TENM3: variants seen among roughly 807,000 people sequenced by gnomAD.
TENM3 encodes teneurin-3.
In TENM3, 63 loss-of-function variants were observed where a neutral mutation model predicts 255.1. That is an observed-to-expected ratio of 0.25 (90% CI 0.20 to 0.30). TENM3 has a LOEUF of 0.30. Among genes scored for constraint, TENM3 ranks in the 10% least tolerant of loss-of-function variants. The probability of loss-of-function intolerance (pLI) is 1.00; values close to 1 mark genes in which losing one functional copy is unlikely to be tolerated. For missense variants in TENM3, 2,929 were observed against 3,461.1 expected (o/e 0.85, Z 3.86); for synonymous variants, 1,306 against 1,322.3 (o/e 0.99, Z 0.27).
chr4:182,780,158 A>G (rs1391561186), intron 24 of TENM3, among the ~76,000 whole-genome samples: 8 of 152,140 alleles, frequency 5.3e-5, no homozygotes, highest in Non-Finnish European at 1.2e-4. Context: ...GGTGATGCCT[A>G]GGTTTTCTTC....
At chr4:182,020,819 C>A in the TENM3 span, among the ~76,000 whole-genome samples, 16 of 152,338 alleles carry the variant, frequency 1.1e-4, no homozygotes, top group Non-Finnish European at 2.2e-4. Flanking sequence ...CACTCACTCT[C>A]AAGGCTTAGC....
chr4:182,112,941 G>T, the TENM3 span, among the ~76,000 whole-genome samples: 1 of 152,174 alleles, frequency 6.6e-6, no homozygotes, highest in African/African-American at 2.4e-5. Flanking sequence ...TGGATGACAT[G>T]CTTGTAAGAC....
chr4:182,580,772 A>G (rs1274510779), intron 3 of TENM3, among the ~76,000 whole-genome samples: 1 of 152,206 alleles, frequency 6.6e-6, no homozygotes, highest in Non-Finnish European at 1.5e-5. Flanking sequence ...CTTTGATTGC[A>G]AATTATGTGT....
In TENM3 at chr4:182,663,588, C is replaced by G. The variant is rs1025549737; in HGVS notation, c.1112-9417C>G. Among the ~76,000 whole-genome samples, 15 of 152,124 alleles carry G rather than the reference C, an allele frequency of 9.9e-5. No individual in the cohort carries two copies. The East Asian group carries it at 2.9e-3, about 29-fold the overall frequency. The stretch of plus-strand genomic sequence containing the variant: ...TTTGTATATTCATAGATGAATATAC[C>G]TTATAAGAATAAAACAAAATTCAGT... On this transcript the variant is annotated intron_variant, in intron 6 of 27. Transcript: ENST00000511685.
At chr4:181,591,946 T>G in the TENM3 span, among the ~76,000 whole-genome samples, 3 of 125,438 alleles carry the variant, frequency 2.4e-5, no homozygotes, top group Non-Finnish European at 3.6e-5. Context: ...CTATGCTGAG[T>G]GAAAAAAGCC....
At position 182,503,324 on chromosome 4, in the gene TENM3, G is replaced by A. The variant is rs191636416; in HGVS notation, c.512-97600G>A. Reference sequence around the variant, plus strand: ...CTTACAGGGACATTCAGTCTTTAGCGTCTCCAGGGACTCAGGTTTCTTCTC... The same window carrying A: ...CTTACAGGGACATTCAGTCTTTAGCATCTCCAGGGACTCAGGTTTCTTCTC... On this transcript the variant is annotated intron_variant, in intron 3 of 27. Coordinates refer to ENST00000511685, the MANE Select transcript of TENM3 (RefSeq NM_001080477.4). Among the ~76,000 whole-genome samples the A allele has an allele frequency of 3.9e-5, 6 of 152,204 alleles. 1 individual carries two copies. The South Asian group carries it at 6.2e-4, about 16-fold the overall frequency.
the TENM3 span, among the ~76,000 whole-genome samples, chr4:181,504,304 C>T: frequency 2.6e-5 from 4 of 152,214 alleles, no homozygotes; most frequent in Non-Finnish European, 2.9e-5. Flanking sequence ...GCTTGTCTCT[C>T]TTCTTACTCT....
chr4:181,565,366 T>C, the TENM3 span, among the ~76,000 whole-genome samples: 3 of 152,206 alleles, frequency 2.0e-5, no homozygotes, highest in African/African-American at 7.2e-5. Flanking sequence ...TGAAGAAACA[T>C]ACTTAGAGAA....
chr4:181,945,660 G>A, the TENM3 span, among the ~76,000 whole-genome samples: 1 of 152,010 alleles, frequency 6.6e-6, no homozygotes, highest in African/African-American at 2.4e-5. Context: ...TCAATGAAAC[G>A]AAGCAGTTAA....
chr4:182,511,141 G>T (rs1378879159), intron 3 of TENM3, among the ~76,000 whole-genome samples: 2 of 152,190 alleles, frequency 1.3e-5, no homozygotes, highest in Admixed American at 1.3e-4. Context: ...GCTATGCCAT[G>T]AGTTTTTGCC....
At chr4:182,649,892 A>G (rs1041704837) in intron 5 of TENM3, among the ~76,000 whole-genome samples, 1 of 150,318 alleles carries the variant, frequency 6.7e-6, no homozygotes, top group Non-Finnish European at 1.5e-5. Flanking sequence ...ATGGATTTTC[A>G]CATCCCACTA....
chr4:182,619,914 G>A (rs988913111), intron 4 of TENM3, among the ~76,000 whole-genome samples: 1 of 152,182 alleles, frequency 6.6e-6, no homozygotes. Context: ...AAAAGAAGCC[G>A]CCGCGGCTGC....
At chr4:181,566,628 C>T in the TENM3 span, among the ~76,000 whole-genome samples, 1 of 152,144 alleles carries the variant, frequency 6.6e-6, no homozygotes, top group East Asian at 1.9e-4. Context: ...TGGTAACTGT[C>T]CATGCAGCGA....
At chr4:181,627,134 T>C in the TENM3 span, among the ~76,000 whole-genome samples, 1 of 152,132 alleles carries the variant, frequency 6.6e-6, no homozygotes, top group African/African-American at 2.4e-5. Context: ...TTCCTAATCT[T>C]CTAAGGCAGT....
chr4:182,511,947 A>G (rs1737440679), intron 3 of TENM3, among the ~76,000 whole-genome samples: 1 of 152,240 alleles, frequency 6.6e-6, no homozygotes, highest in Non-Finnish European at 1.5e-5. Context: ...CTAGACTATT[A>G]GAAAATGACA....
chr4:181,883,391 C>A, the TENM3 span, among the ~76,000 whole-genome samples: 4 of 152,196 alleles, frequency 2.6e-5, no homozygotes, highest in South Asian at 4.1e-4. Context: ...TACTACATAC[C>A]ATGTCACTGA....
chr4:181,473,393 G>T, the TENM3 span, among the ~76,000 whole-genome samples: 1 of 152,100 alleles, frequency 6.6e-6, no homozygotes, highest in East Asian at 1.9e-4. Flanking sequence ...TTTGAGACCA[G>T]CCTGGACAGC....
At chr4:181,990,694 G>A in the TENM3 span, among the ~76,000 whole-genome samples, 6 of 152,196 alleles carry the variant, frequency 3.9e-5, no homozygotes, top group East Asian at 1.2e-3. Context: ...TCAATGGATG[G>A]CTGCTGCTAT....
chr4:182,155,063 A>G (rs548420609), intron 1 of TENM3, among the ~76,000 whole-genome samples: 19 of 152,268 alleles, frequency 1.2e-4, no homozygotes, highest in African/African-American at 4.1e-4. Flanking sequence ...ATCAGTTCTC[A>G]TTTAGTCAGC....
Sources: gnomAD v4.1 joint callset for allele counts (sites outside exome capture counted in the v4.1 genomes callset) on GRCh38, gnomAD v4.1.1 for gene constraint, MANE v1.5 for transcripts, NCBI Gene and HGNC (gene_info 2026-07-23, HGNC 2026-07-21) for gene names.